Variants in EYS observed in about 807,000 individuals in gnomAD.
The protein encoded by EYS is protein eyes shut homolog.
A neutral mutation model predicts 282.1 loss-of-function variants in EYS; 250 were observed. That is an observed-to-expected ratio of 0.89 (90% CI 0.80 to 0.98). The LOEUF is 0.98. Ranked by LOEUF, EYS falls within the 50% of genes least tolerant of loss-of-function variation. The pLI is 0.00. For synonymous variants in EYS, 1,355 were observed against 1,282.9 expected (o/e 1.06, Z -1.20); for missense variants, 4,016 against 3,709.0 (o/e 1.08, Z -2.15).
At chr6:64,693,762 A>G (rs1271500939) in intron 22 of EYS, among the ~76,000 whole-genome samples, 4 of 152,162 alleles carry the variant, frequency 2.6e-5, no homozygotes, top group African/African-American at 7.2e-5. Flanking sequence ...TAAAAAATCA[A>G]TAAAGAAGGC....
At chr6:64,508,347 C>T (rs546754684) in intron 26 of EYS, among the ~76,000 whole-genome samples, 86 of 151,818 alleles carry the variant, frequency 5.7e-4, no homozygotes, top group Non-Finnish European at 1.1e-3. Context: ...TGCAGAGTAA[C>T]TCAAACAGTA....
intron 31 of EYS, among the ~76,000 whole-genome samples, chr6:64,164,184 T>A (rs1456128386): frequency 6.6e-6 from 1 of 152,114 alleles, no homozygotes; most frequent in Non-Finnish European, 1.5e-5. Flanking sequence ...TTTCTCCACT[T>A]TACTTCTTAA....
intron 15 of EYS, among the ~76,000 whole-genome samples, chr6:64,927,556 G>A (rs1166929662): frequency 6.6e-6 from 1 of 151,948 alleles, no homozygotes. Context: ...CCACAACACT[G>A]AACAACCCTT....
chr6:63,902,761 T>C (rs1773687559), intron 35 of EYS, among the ~76,000 whole-genome samples: 1 of 150,860 alleles, frequency 6.6e-6, no homozygotes, highest in Non-Finnish European at 1.5e-5. Context: ...ATTCAAATAG[T>C]ATGCTAAAAA....
chr6:64,230,486 GT>G, intron 31 of EYS, 105 bp downstream of exon 31: 1 of 598,564 alleles, frequency 1.7e-6, no homozygotes, highest in Non-Finnish European at 2.8e-6. Flanking sequence ...GCTGTTTCTT[GT>G]TTGTGCTAGT....
At chr6:65,365,735 A>G (rs1454472145) in intron 8 of EYS, among the ~76,000 whole-genome samples, 1 of 151,642 alleles carries the variant, frequency 6.6e-6, no homozygotes, top group Non-Finnish European at 1.5e-5. Context: ...ATTTTCCTGA[A>G]AGACAAGTGA....
chr6:65,038,686 C>T (rs1333049551), intron 13 of EYS, among the ~76,000 whole-genome samples: 1 of 151,310 alleles, frequency 6.6e-6, no homozygotes, highest in Non-Finnish European at 1.5e-5. Context: ...GATTCCCTAT[C>T]AACAATTTTA....
intron 14 of EYS, among the ~76,000 whole-genome samples, chr6:64,980,775 A>C (rs1285813936): frequency 6.6e-6 from 1 of 151,398 alleles, no homozygotes; most frequent in Non-Finnish European, 1.5e-5. Context: ...ATTTCTCACC[A>C]GGCCTAAGAC....
intron 35 of EYS, among the ~76,000 whole-genome samples, chr6:63,943,832 T>C (rs1366304509): frequency 6.6e-6 from 1 of 152,200 alleles, no homozygotes; most frequent in African/African-American, 2.4e-5. Context: ...CTAGTTTCCT[T>C]TGTTTGTGCA....
At chr6:65,077,692 C>T (rs1220171169) in intron 12 of EYS, among the ~76,000 whole-genome samples, 4 of 152,058 alleles carry the variant, frequency 2.6e-5, no homozygotes, top group Non-Finnish European at 5.9e-5. Flanking sequence ...GTATTCATTT[C>T]TAGATTAATG....
At chr6:64,450,821 C>T (rs957269084) in intron 26 of EYS, among the ~76,000 whole-genome samples, 2 of 152,072 alleles carry the variant, frequency 1.3e-5, no homozygotes, top group Non-Finnish European at 2.9e-5. Flanking sequence ...AGAACAAAGA[C>T]ACAACATATC....
At chr6:64,794,050 A>G (rs1774272654) in intron 22 of EYS, among the ~76,000 whole-genome samples, 1 of 152,152 alleles carries the variant, frequency 6.6e-6, no homozygotes, top group African/African-American at 2.4e-5. Context: ...TGTTTCTACA[A>G]GTTTGACTGT....
chr6:65,619,887 C>T (rs1314658860), intron 2 of EYS, among the ~76,000 whole-genome samples: 1 of 151,032 alleles, frequency 6.6e-6, no homozygotes, highest in East Asian at 1.9e-4. Flanking sequence ...ACCAGCCTTG[C>T]ATCCCAGGGA....
At chr6:64,087,390 G>A (rs1055951948) in intron 31 of EYS, among the ~76,000 whole-genome samples, 2 of 152,062 alleles carry the variant, frequency 1.3e-5, no homozygotes, top group African/African-American at 4.8e-5. Flanking sequence ...TTTTTGGGAG[G>A]TCCTGGACAA....
chr6:65,314,227 G>A (rs1419478472), intron 11 of EYS, among the ~76,000 whole-genome samples: 3 of 149,850 alleles, frequency 2.0e-5, no homozygotes, highest in African/African-American at 2.5e-5. Flanking sequence ...ATTTAAAATC[G>A]AAACCCCCCC....
At chr6:65,554,533 T>C (rs1380788272) in intron 2 of EYS, among the ~76,000 whole-genome samples, 2 of 152,156 alleles carry the variant, frequency 1.3e-5, no homozygotes, top group Non-Finnish European at 2.9e-5. Context: ...ACAGTTTCCA[T>C]AACTTTGTCA....
intron 35 of EYS, among the ~76,000 whole-genome samples, chr6:63,886,199 C>T (rs1235202165): frequency 5.3e-5 from 8 of 152,136 alleles, no homozygotes; most frequent in African/African-American, 1.9e-4. Context: ...TGGCTTGGGC[C>T]ATACAAGGAT....
intron 8 of EYS, among the ~76,000 whole-genome samples, chr6:65,358,622 G>A (rs1192927297): frequency 6.6e-6 from 1 of 151,242 alleles, no homozygotes; most frequent in East Asian, 1.9e-4. Flanking sequence ...GTGTGTGTGT[G>A]TGTGTGTGTG....
chr6:64,597,552 T>C (rs780043470), intron 24 of EYS, among the ~76,000 whole-genome samples: 5 of 152,182 alleles, frequency 3.3e-5, no homozygotes, highest in Non-Finnish European at 5.9e-5. Context: ...TCAGGTGTTT[T>C]GTAGCAATGT....
Sources: gnomAD v4.1 joint callset for allele counts (sites outside exome capture counted in the v4.1 genomes callset) on GRCh38, gnomAD v4.1.1 for gene constraint, MANE v1.5 for transcripts, NCBI Gene and HGNC (gene_info 2026-07-23, HGNC 2026-07-21) for gene names.